FOXK1: variants seen among roughly 807,000 people sequenced by gnomAD.
FOXK1 encodes forkhead box K1.
Under a neutral mutation model 51.9 loss-of-function variants are expected in FOXK1, and 19 were observed. That is an observed-to-expected ratio of 0.37 (90% CI 0.26 to 0.54). The LOEUF (loss-of-function observed/expected upper bound fraction) is 0.54. Among genes scored for constraint, FOXK1 ranks in the 20% least tolerant of loss-of-function variants. The probability of loss-of-function intolerance (pLI) is 0.87; values close to 1 mark genes in which losing one functional copy is unlikely to be tolerated. For missense variants in FOXK1, 870 were observed against 1,032.7 expected, an observed-to-expected ratio of 0.84 and a Z score of 2.16; for synonymous variants, 537 against 482.6, an observed-to-expected ratio of 1.11 and a Z score of -1.48.
In FOXK1 at chr7:4,755,391, C is replaced by T. The variant is rs116434298; in HGVS notation, c.1050+8C>T. On this transcript the variant is annotated splice_region_variant and intron_variant, in intron 4 of 8. Transcript: ENST00000328914. The surrounding 1 kb of genome is among the most constrained non-coding windows in gnomAD (Gnocchi z 6.6). ...GCCGACAAAGGCTGGCAGGTGAAGCCGAGTCCCCAGGGCCGGATCGCCTCT... is the reference window on the plus strand; with the variant it reads ...GCCGACAAAGGCTGGCAGGTGAAGCTGAGTCCCCAGGGCCGGATCGCCTCT... 2.9e-4 allele frequency: 460 copies of T among 1,613,236 alleles called. 2 individuals are homozygous for T. In the African/African-American group the frequency reaches 5.5e-3, roughly 19 times the overall value.
Position 4,759,503 on chromosome 7 carries a change from C to G in FOXK1, c.1604C>G (p.Ala535Gly), listed in dbSNP as rs1485343796. ...VRVVTTSANS[A>G]NGYILTSQGA... ...GTGGTCACCACATCTGCCAACTCGG[C>G]CAACGGATACATCCTCACCAGCCAG... Residue 535 changes from alanine to glycine, a missense_variant, in exon 7 of 9, where the codon GCC (alanine) becomes GGC (glycine). By Grantham distance (60) the Ala-to-Gly change is moderately conservative. Coordinates refer to ENST00000328914, the MANE Select transcript of FOXK1 (RefSeq NM_001037165.2). 2 of 1,576,190 alleles carry G rather than the reference C, an allele frequency of 1.3e-6. No individual in the cohort carries two copies. The highest frequency in any genetic ancestry group is 3.6e-5 in the Admixed American group (2 of 55,970).
chr7:4,692,606 G>C (rs1038967228), intron 1 of FOXK1, among the ~76,000 whole-genome samples: 1 of 152,090 alleles, frequency 6.6e-6, no homozygotes, highest in African/African-American at 2.4e-5. Context: ...ATGTAAGCCA[G>C]CTGGTCTCGA....
intron 1 of FOXK1, among the ~76,000 whole-genome samples, chr7:4,732,901 G>A (rs886180267): frequency 2.0e-5 from 3 of 152,160 alleles, no homozygotes; most frequent in East Asian, 1.9e-4. Context: ...CTCGTCCAGC[G>A]TTCTCTGTAC....
intron 1 of FOXK1, among the ~76,000 whole-genome samples, chr7:4,716,465 C>T (rs1167204318): frequency 6.6e-6 from 1 of 152,068 alleles, no homozygotes; most frequent in Non-Finnish European, 1.5e-5. Flanking sequence ...ATGATGGCAC[C>T]ACTGCTCTCT....
chr7:4,748,434 C>G lies in FOXK1; in HGVS notation c.747-6025C>G, dbSNP rs532706304. The stretch of plus-strand genomic sequence containing the variant: ...CTGTGTAGTGATTGTAGCGCTTAGC[C>G]ATTTCCTTCCTTGTACTTTTGGCTT... On this transcript the variant is annotated intron_variant, in intron 2 of 8. Transcript: ENST00000328914. This position sits in a 1 kb window ranked among gnomAD's most constrained non-coding sequence, Gnocchi z 4.9. 2.0e-5 allele frequency among the ~76,000 whole-genome samples: 3 copies of G among 152,252 alleles called. No homozygotes were observed. Among genetic ancestry groups the G allele is most frequent in the Non-Finnish European group, 4.4e-5 (3 of 68,028 alleles).
At chr7:4,702,860 G>T (rs887319683) in intron 1 of FOXK1, among the ~76,000 whole-genome samples, 3 of 152,164 alleles carry the variant, frequency 2.0e-5, no homozygotes, top group African/African-American at 7.2e-5. Context: ...CCTCTTCTCA[G>T]CTCTGACCAG....
chr7:4,750,760 A>G (rs1780765126), intron 2 of FOXK1, among the ~76,000 whole-genome samples: 1 of 151,594 alleles, frequency 6.6e-6, no homozygotes, highest in African/African-American at 2.4e-5. Context: ...GCTGGAGTAC[A>G]ATGGCATAAT....
chr7:4,713,496 T>G (rs1345579752), intron 1 of FOXK1, among the ~76,000 whole-genome samples: 2 of 151,864 alleles, frequency 1.3e-5, no homozygotes, highest in Non-Finnish European at 2.9e-5. Flanking sequence ...GTGTTTTTTT[T>G]TTTGTTTTTT....
At chr7:4,708,933 C>T (rs975850070) in intron 1 of FOXK1, among the ~76,000 whole-genome samples, 7 of 151,898 alleles carry the variant, frequency 4.6e-5, no homozygotes, top group Admixed American at 1.3e-4. Context: ...GGCGTGATGG[C>T]GTGTGCCTGT....
At position 4,756,839 on chromosome 7, in the gene FOXK1, C is replaced by T. The variant is rs1435697177; in HGVS notation, c.1051-155C>T. Among the ~76,000 whole-genome samples the T allele has an allele frequency of 6.6e-6, 1 of 152,102 alleles. No homozygotes were observed. The highest frequency in any genetic ancestry group is 2.4e-5 in the African/African-American group (1 of 41,410). On this transcript the variant is annotated intron_variant, in intron 4 of 8. Coordinates refer to ENST00000328914, the MANE Select transcript of FOXK1 (RefSeq NM_001037165.2). The surrounding 1 kb of genome is among the most constrained non-coding windows in gnomAD (Gnocchi z 4.1). The stretch of plus-strand genomic sequence containing the variant: ...GAATGACCTGCCCTGTGCCTCGGTG[C>T]TGCTCCCGTGAGGCCCAGCCAGCAC...
At chr7:4,712,450 G>C (rs1166701258) in intron 1 of FOXK1, among the ~76,000 whole-genome samples, 1 of 152,152 alleles carries the variant, frequency 6.6e-6, no homozygotes, top group Non-Finnish European at 1.5e-5. Context: ...TAATTGAGAA[G>C]GGAAAGGAGA....
rs1366605562 is a variant in FOXK1, at chr7:4,733,208, A to G, written c.561-7630A>G. ...TTTTTTTTAATTTTATTATTTTTTT[A>G]TTTCAAGCTGGGTTCTTGCTGTGTT... On this transcript the variant is annotated intron_variant, in intron 1 of 8. Coordinates refer to ENST00000328914, the MANE Select transcript of FOXK1 (RefSeq NM_001037165.2). The surrounding 1 kb of genome is among the most constrained non-coding windows in gnomAD (Gnocchi z 5.0). Among the ~76,000 whole-genome samples, 2 of 146,568 alleles carry G rather than the reference A, an allele frequency of 1.4e-5. No individual in the cohort carries two copies. The highest frequency in any genetic ancestry group is 1.4e-4 in the Admixed American group (2 of 14,786).
In FOXK1 at chr7:4,758,512, A is replaced by T. The variant is rs772904490; in HGVS notation, c.1245-539A>T. 1 of 152,640 alleles carries T rather than the reference A, an allele frequency of 6.6e-6. No homozygotes were observed. The highest frequency in any genetic ancestry group is 1.5e-5 in the Non-Finnish European group (1 of 68,342). The allele number at this position is 152,640 out of a possible 1,614,324, so 9.5% of individuals were successfully genotyped here. ...TGTTTCCAACACGATTTGATGAAAG[A>T]TTGAAATATCTGAAAATTCATTTCG... On this transcript the variant is annotated intron_variant, in intron 5 of 8. Transcript: ENST00000328914. This position sits in a 1 kb window ranked among gnomAD's most constrained non-coding sequence, Gnocchi z 4.4.
At chr7:4,737,052 C>A (rs1358647367) in intron 1 of FOXK1, among the ~76,000 whole-genome samples, 1 of 152,164 alleles carries the variant, frequency 6.6e-6, no homozygotes, top group Admixed American at 6.5e-5. Flanking sequence ...CTCTTCTGTG[C>A]GTGTGTGTGC....
At position 4,759,145 on chromosome 7, in the gene FOXK1, A is replaced by T. The variant is rs1293500834; in HGVS notation, c.1339A>T (p.Ile447Phe). 1.9e-6 allele frequency: 3 copies of T among 1,612,282 alleles called. No individual in the cohort carries two copies. Among genetic ancestry groups the T allele is most frequent in the Non-Finnish European group, 2.5e-6 (3 of 1,179,818 alleles). ...GTGCCTGTCTCGGGAGGGCTCCCCCATTCCACACGACCCTGAGTTTGGGTC... is the reference window on the plus strand; with the variant it reads ...GTGCCTGTCTCGGGAGGGCTCCCCCTTTCCACACGACCCTGAGTTTGGGTC... The part of the protein sequence containing the change: ...PECLSREGSP[I>F]PHDPEFGSKL... Residue 447 changes from isoleucine to phenylalanine, a missense_variant, in exon 6 of 9, where the codon ATT becomes TTT. By Grantham distance (21) the Ile-to-Phe change is conservative. Around this residue, in one of 3 missense-constraint regions of FOXK1, gnomAD observed 457 missense variants for 510.8 expected, o/e 0.89. Coordinates refer to ENST00000328914, the MANE Select transcript of FOXK1 (RefSeq NM_001037165.2).
intron 2 of FOXK1, among the ~76,000 whole-genome samples, chr7:4,750,183 C>G (rs911246431): frequency 2.0e-5 from 3 of 152,228 alleles, no homozygotes; most frequent in Non-Finnish European, 4.4e-5. Flanking sequence ...CTCTCAGCCT[C>G]CAATCGGGGG....
chr7:4,728,116 G>A (rs1466949817), intron 1 of FOXK1, among the ~76,000 whole-genome samples: 2 of 152,160 alleles, frequency 1.3e-5, no homozygotes, highest in African/African-American at 4.8e-5. Context: ...AGCCGGGACC[G>A]GCTCACAAGC....
chr7:4,706,036 G>GTA (rs1562373229), intron 1 of FOXK1, among the ~76,000 whole-genome samples: 2 of 125,582 alleles, frequency 1.6e-5, no homozygotes, highest in African/African-American at 4.3e-5. Flanking sequence ...GTATATACGT[G>GTA]TATATACGTG....
rs913715947 is a variant in FOXK1 at position 4,729,904 on chromosome 7, C to T, written c.561-10934C>T. ...ACTCGGGAGGCTGAGGCAGGAGAAT[C>T]GCTTGAACCCGGAAGGTGGAGTTTG... On this transcript the variant is annotated intron_variant, in intron 1 of 8. Coordinates refer to ENST00000328914, the MANE Select transcript of FOXK1 (RefSeq NM_001037165.2). The surrounding 1 kb of genome is among the most constrained non-coding windows in gnomAD (Gnocchi z 6.2). Among the ~76,000 whole-genome samples, 6 of 152,108 alleles carry T rather than the reference C, an allele frequency of 3.9e-5. No individual in the cohort carries two copies. Among genetic ancestry groups the T allele is most frequent in the African/African-American group, 1.2e-4 (5 of 41,404 alleles).
Sources: gnomAD v4.1 joint callset for allele counts (sites outside exome capture counted in the v4.1 genomes callset) on GRCh38, gnomAD v4.1.1 for gene constraint, gnomAD v4.1.1 regional missense constraint, Gnocchi (gnomAD v3.1) non-coding constraint, MANE v1.5 for transcripts, NCBI Gene and HGNC (gene_info 2026-07-23, HGNC 2026-07-21) for gene names.